NUP160: variants seen among roughly 807,000 people sequenced by gnomAD.
NUP160 encodes the protein nuclear pore complex protein Nup160.
In NUP160, 94 loss-of-function variants were observed where a neutral mutation model predicts 196.9. That is an observed-to-expected ratio of 0.48 (90% CI 0.40 to 0.57). The LOEUF (loss-of-function observed/expected upper bound fraction) is 0.57, where lower values mean the gene tolerates loss of function less well. NUP160 is among the 20% of genes least tolerant of loss of function. The pLI is 0.00. For missense variants in NUP160, 1,638 were observed against 1,748.3 expected (o/e 0.94, Z 1.13); for synonymous variants, 605 against 619.7 (o/e 0.98, Z 0.35).
chr11:47,830,628 T>C (rs1049257867), intron 7 of NUP160, among the ~76,000 whole-genome samples: 1 of 152,186 alleles, frequency 6.6e-6, no homozygotes, highest in African/African-American at 2.4e-5. Context: ...ATACCACATG[T>C]TCTCACTTAT....
At chr11:47,790,450 G>A (rs1172964926) in intron 29 of NUP160, among the ~76,000 whole-genome samples, 1 of 151,878 alleles carries the variant, frequency 6.6e-6, no homozygotes, top group African/African-American at 2.4e-5. Flanking sequence ...TACTAGAGAC[G>A]GGGTTTCATC....
chr11:47,817,938 A>G (rs1851771143), intron 11 of NUP160, 118 bp downstream of exon 11: 1 of 564,808 alleles, frequency 1.8e-6, no homozygotes, highest in South Asian at 2.9e-5. Context: ...ACAAACACAC[A>G]TATGTATGAA....
chr11:47,812,335 T>C, exon 16 of NUP160: 2 of 1,614,170 alleles, frequency 1.2e-6, no homozygotes, highest in East Asian at 2.2e-5. Flanking sequence ...TCCACTTCTG[T>C]TTCATAATCC....
At chr11:47,820,825 C>T (rs1851841865) in intron 9 of NUP160, among the ~76,000 whole-genome samples, 1 of 152,104 alleles carries the variant, frequency 6.6e-6, no homozygotes, top group South Asian at 2.1e-4. Flanking sequence ...ACTGGGATTA[C>T]AGGCATGAGC....
intron 27 of NUP160, among the ~76,000 whole-genome samples, chr11:47,795,444 A>G (rs1045126269): frequency 1.3e-5 from 2 of 152,184 alleles, no homozygotes; most frequent in Non-Finnish European, 2.9e-5. Flanking sequence ...AAGAAAATAA[A>G]GAATATGCAA....
At chr11:47,804,514 G>A (rs751578936) in intron 21 of NUP160, 35 bp downstream of exon 21, 4 of 1,368,512 alleles carry the variant, frequency 2.9e-6, no homozygotes, top group Non-Finnish European at 4.0e-6. Flanking sequence ...TGCTTTACAA[G>A]AATGTGTAGA....
chr11:47,823,919 C>T (rs766413637), intron 7 of NUP160, among the ~76,000 whole-genome samples: 2 of 150,304 alleles, frequency 1.3e-5, no homozygotes, highest in Admixed American at 6.7e-5. Context: ...GACACTTGGG[C>T]TGCTTTATCT....
intron 11 of NUP160, 27 bp from the exon 12 acceptor site, chr11:47,816,056 CTATA>C (rs750705078): frequency 1.3e-6 from 2 of 1,487,808 alleles, no homozygotes; most frequent in South Asian, 2.3e-5. Context: ...TTTTAGACTT[CTATA>C]TAATAGCCAA....
intron 7 of NUP160, among the ~76,000 whole-genome samples, chr11:47,830,509 A>G (rs937073575): frequency 2.6e-5 from 4 of 152,216 alleles, no homozygotes; most frequent in Non-Finnish European, 4.4e-5. Context: ...CATATATATC[A>G]TGGAATATAT....
At position 47,837,580 on chromosome 11, in the gene NUP160, T is replaced by C. The variant is rs202194401; in HGVS notation, c.792A>G (p.Gln264=). 1.0e-4 allele frequency: 164 copies of C among 1,614,154 alleles called. No homozygotes were observed. The African/African-American group carries it at 1.3e-3, about 13-fold the overall frequency. ...TTGGCATCCAGCCTGTAAGCAATCG[T>C]TGCATTACTGAACTCTGTTTCAGTT... The change falls in exon 5 of 36, where the codon CAA becomes CAG. Residue 264 remains glutamine (Q), a synonymous_variant. Coordinates refer to ENST00000378460, the Ensembl canonical transcript of NUP160.
At chr11:47,780,485 G>T in intron 34 of NUP160, 38 bp from the exon 35 acceptor site, 1 of 1,354,636 alleles carries the variant, frequency 7.4e-7, no homozygotes, top group Non-Finnish European at 1.1e-6. Flanking sequence ...AGTCTGCAAA[G>T]TGTACCATTT....
exon 23 of NUP160, chr11:47,801,905 G>A: frequency 1.2e-6 from 2 of 1,613,700 alleles, no homozygotes; most frequent in African/African-American, 1.3e-5. Context: ...TACTTCAGAT[G>A]CTGCCTGACA....
chr11:47,847,825 G>A (rs748471546), intron 2 of NUP160, 23 bp downstream of exon 2: 2 of 1,555,936 alleles, frequency 1.3e-6, no homozygotes, highest in South Asian at 1.1e-5. Flanking sequence ...TTCCAGGGGA[G>A]TTTGGCGAAC....
intron 17 of NUP160, among the ~76,000 whole-genome samples, chr11:47,809,864 T>C (rs1333550813): frequency 6.6e-6 from 1 of 151,768 alleles, no homozygotes; most frequent in Non-Finnish European, 1.5e-5. Context: ...AAAAATACTA[T>C]GTAGTTTATT....
exon 20 of NUP160, chr11:47,806,285 A>G: frequency 6.2e-7 from 1 of 1,613,872 alleles, no homozygotes; most frequent in South Asian, 1.1e-5. Context: ...TTGGAAGAAT[A>G]ACTCCACAAT....
rs1241780321 is a variant in NUP160, at chr11:47,788,483, A to T, written c.3622+18T>A. 2 of 1,604,034 alleles carry T rather than the reference A, an allele frequency of 1.2e-6. No individual in the cohort carries two copies. The highest frequency in any genetic ancestry group is 4.5e-5 in the East Asian group (2 of 44,840). On this transcript the variant is annotated intron_variant, in intron 30 of 35. Transcript: ENST00000378460. ...GTGGTGCTGACAAGTCAGAGGCTTT[A>T]AACTCTTGAATTCCTACCAGCAACT...
intron 33 of NUP160, 123 bp downstream of exon 33, chr11:47,784,799 A>G (rs1398851829): frequency 1.5e-6 from 1 of 683,362 alleles, no homozygotes; most frequent in African/African-American, 1.8e-5. Flanking sequence ...CTGTTGGCCT[A>G]CCAATGTGCG....
chr11:47,817,906 TA>T (rs897659057), intron 11 of NUP160, 149 bp downstream of exon 11: 3 of 564,010 alleles, frequency 5.3e-6, no homozygotes, highest in African/African-American at 3.8e-5. Context: ...GAAAGAACAT[TA>T]AAAAAATTAT....
At chr11:47,840,715 C>A in intron 2 of NUP160, 127 bp from the exon 3 acceptor site, 1 of 642,546 alleles carries the variant, frequency 1.6e-6, no homozygotes, top group Non-Finnish European at 2.6e-6. Flanking sequence ...CAGATTTGGA[C>A]CACTTTTGCA....
Sources: allele counts gnomAD v4.1 joint callset (sites outside exome capture counted in the v4.1 genomes callset), GRCh38; gene constraint gnomAD v4.1.1; transcripts MANE v1.5; gene names NCBI Gene and HGNC (gene_info 2026-07-23, HGNC 2026-07-21).